The following DAGLB variants were observed in gnomAD, a reference collection of about 807,000 sequenced individuals.
The protein encoded by DAGLB is diacylglycerol lipase beta.
Under a neutral mutation model 72.1 loss-of-function variants are expected in DAGLB, and 66 were observed. That is an observed-to-expected ratio of 0.92 (90% confidence interval 0.75 to 1.12). The LOEUF (loss-of-function observed/expected upper bound fraction) is 1.12, where lower values mean the gene tolerates loss of function less well. DAGLB is among the 50% of genes most tolerant of loss of function. The probability of loss-of-function intolerance (pLI) is 0.00; values close to 1 mark genes in which losing one functional copy is unlikely to be tolerated. For synonymous variants in DAGLB, 414 were observed against 359.5 expected, an observed-to-expected ratio of 1.15 and a Z score of -1.71; for missense variants, 1,065 against 884.9, an observed-to-expected ratio of 1.20 and a Z score of -2.58.
chr7:6,417,127 G>T (rs1283109844), intron 9 of DAGLB: 3 of 586,244 alleles, frequency 5.1e-6, no homozygotes, highest in Non-Finnish European at 9.0e-6. Context: ...CAGGTGTGGT[G>T]GCGCACGCTT....
intron 6 of DAGLB, among the ~76,000 whole-genome samples, chr7:6,426,346 C>T (rs1021650862): frequency 3.3e-5 from 5 of 152,148 alleles, no homozygotes; most frequent in South Asian, 2.1e-4. Flanking sequence ...CTCAGGTCAC[C>T]GCAACCTCCG....
chr7:6,424,346 C>A (rs368772305), intron 8 of DAGLB, among the ~76,000 whole-genome samples: 26 of 152,226 alleles, frequency 1.7e-4, no homozygotes, highest in African/African-American at 6.3e-4. Context: ...GAGCCTCCAG[C>A]GGGGCTGGTG....
chr7:6,438,478 G>A (rs560940251), intron 2 of DAGLB, among the ~76,000 whole-genome samples: 14 of 152,022 alleles, frequency 9.2e-5, no homozygotes, highest in African/African-American at 3.4e-4. Context: ...AGGGGGAAAG[G>A]GTGCAGGTAT....
chr7:6,409,652 T>C lies in DAGLB; in HGVS notation c.*185A>G. ...ACCTGAGCGTGCTCACTACTTCTGCTACCATTATGGCCACAATGACTTCCC... is the reference window on the plus strand; with the variant it reads ...ACCTGAGCGTGCTCACTACTTCTGCCACCATTATGGCCACAATGACTTCCC... On this transcript the variant is annotated 3_prime_UTR_variant, in exon 15 of 15. Coordinates refer to ENST00000297056, the MANE Select transcript of DAGLB (RefSeq NM_139179.4). 1 of 728,776 alleles carries C rather than the reference T, an allele frequency of 1.4e-6. No homozygotes were observed. The highest frequency in any genetic ancestry group is 1.9e-5 in the South Asian group (1 of 53,128). The allele number at this position is 728,776 out of a possible 1,614,324, so 45.1% of individuals were successfully genotyped here. A position where few individuals can be genotyped will look rare whatever the true frequency, so the allele number is the denominator to read the frequency against.
At chr7:6,433,027 C>T in intron 4 of DAGLB, 68 bp from the exon 5 acceptor site, 1 of 1,569,496 alleles carries the variant, frequency 6.4e-7, no homozygotes, top group Admixed American at 1.9e-5. Flanking sequence ...CCCTAAAATC[C>T]AGTCTTCTAT....
At position 6,445,820 on chromosome 7, in the gene DAGLB, G is replaced by C. The variant is rs1583305646; in HGVS notation, c.247+133C>G. 3 of 1,006,126 alleles carry C rather than the reference G, an allele frequency of 3.0e-6. No homozygotes were observed. In the East Asian group the frequency reaches 8.2e-5, roughly 28 times the overall value. 62.3% of individuals were successfully genotyped at this position (1,006,126 alleles called of 1,614,324 possible). On this transcript the variant is annotated intron_variant, in intron 2 of 14. Coordinates refer to ENST00000297056, the MANE Select transcript of DAGLB (RefSeq NM_139179.4). ...TGGTATAAACTTGATGATGGTGATG[G>C]CTGCACAACTCTGTGATTATATTAA... is the stretch of plus-strand genomic sequence containing the variant.
At chr7:6,435,908 G>T (rs927139170) in intron 3 of DAGLB, among the ~76,000 whole-genome samples, 2 of 152,088 alleles carry the variant, frequency 1.3e-5, no homozygotes, top group Non-Finnish European at 2.9e-5. Context: ...TCATCTCTAA[G>T]ATTTTTAGCC....
chr7:6,437,365 C>CA (rs1322920373), intron 2 of DAGLB, among the ~76,000 whole-genome samples: 6 of 152,028 alleles, frequency 3.9e-5, no homozygotes, highest in Non-Finnish European at 2.9e-5. Flanking sequence ...GTAATCCCCA[C>CA]AATGACTGGG....
chr7:6,426,750 C>A (rs1415050238), intron 6 of DAGLB, among the ~76,000 whole-genome samples: 1 of 152,212 alleles, frequency 6.6e-6, no homozygotes, highest in East Asian at 1.9e-4. Flanking sequence ...ACAGCACAGC[C>A]AACTCCGTAG....
intron 2 of DAGLB, among the ~76,000 whole-genome samples, chr7:6,437,773 C>T (rs908794030): frequency 1.3e-5 from 2 of 152,126 alleles, no homozygotes; most frequent in African/African-American, 4.8e-5. Context: ...CTCAGCCTCC[C>T]TAGTAGCTGG....
chr7:6,409,356 CCCAGGAGAAAACCCCA>C lies in DAGLB; in HGVS notation c.*465_*480del. ...GAGCCCAGGGCTGCCCTTGGTGACG[CCCAGGAGAAAACCCCA>C]GCCCGCACCCTCACCACAGTTCCAT... On this transcript the variant is annotated 3_prime_UTR_variant, in exon 15 of 15. Coordinates refer to ENST00000297056, the MANE Select transcript of DAGLB (RefSeq NM_139179.4). 1 of 157,400 alleles carries C rather than the reference CCCAGGAGAAAACCCCA, an allele frequency of 6.4e-6. No individual in the cohort carries two copies. The highest frequency in any genetic ancestry group is 6.2e-5 in the Admixed American group (1 of 16,202). The allele number at this position is 157,400 out of a possible 1,614,324, so 9.8% of individuals were successfully genotyped here. A position where few individuals can be genotyped will look rare whatever the true frequency, so the allele number is the denominator to read the frequency against.
At position 6,421,722 on chromosome 7, in the gene DAGLB, C is replaced by T. The variant is rs764054243; in HGVS notation, c.1218+5G>A. ...CAGGCAAGACACACGAGTCCGCGCT[C>T]ATACCTTGTGTGCCAGGCGGTCCTG... On this transcript the variant is annotated splice_donor_5th_base_variant and intron_variant, in intron 9 of 14. Coordinates refer to ENST00000297056, the MANE Select transcript of DAGLB (RefSeq NM_139179.4). 17 of 1,607,654 alleles carry T rather than the reference C, an allele frequency of 1.1e-5. No homozygotes were observed. The highest frequency in any genetic ancestry group is 1.4e-5 in the Non-Finnish European group (17 of 1,175,762).
Position 6,447,744 on chromosome 7 carries a change from T to C in DAGLB, c.95+4A>G. On this transcript the variant is annotated splice_donor_region_variant and intron_variant, in intron 1 of 14. Transcript: ENST00000297056. Reference sequence around the variant, plus strand: ...TCCACCGCCCCCGTAGCCGCCGTCCTTACCACAGCACTCGCACGACCAGCT... The same window carrying C: ...TCCACCGCCCCCGTAGCCGCCGTCCCTACCACAGCACTCGCACGACCAGCT... The C allele has an allele frequency of 2.5e-6, 4 of 1,612,212 alleles. No homozygotes were observed. Among genetic ancestry groups the C allele is most frequent in the Non-Finnish European group, 3.4e-6 (4 of 1,179,208 alleles).
chr7:6,436,302 G>A, intron 3 of DAGLB, 60 bp downstream of exon 3: 3 of 1,548,662 alleles, frequency 1.9e-6, no homozygotes, highest in East Asian at 2.3e-5. Flanking sequence ...CATGTTAGAA[G>A]GGTTTGTTCA....
intron 6 of DAGLB, among the ~76,000 whole-genome samples, chr7:6,427,145 T>C (rs1444282413): frequency 6.6e-6 from 1 of 152,004 alleles, no homozygotes; most frequent in Non-Finnish European, 1.5e-5. Flanking sequence ...TAAATAAAAA[T>C]AAAAACTAAA....
chr7:6,434,921 C>A lies in DAGLB; in HGVS notation c.519G>T (p.Leu173=). Residue 173 remains leucine (L), a synonymous_variant, in exon 4 of 15, where the codon CTG becomes CTT. Coordinates refer to ENST00000297056, the MANE Select transcript of DAGLB (RefSeq NM_139179.4). ...APYSSAGPSH[L]DSHDSSQLLN... ...GTAACTGGCTTGAATCATGACTATCCAGGTGGCTGGGGCCGGCAGAGGAAT... is the reference window on the plus strand; with the variant it reads ...GTAACTGGCTTGAATCATGACTATCAAGGTGGCTGGGGCCGGCAGAGGAAT... The A allele has an allele frequency of 6.2e-7, 1 of 1,614,172 alleles. No individual in the cohort carries two copies. The highest frequency in any genetic ancestry group is 8.5e-7 in the Non-Finnish European group (1 of 1,180,050).
At chr7:6,440,003 G>C (rs1331411075) in intron 2 of DAGLB, among the ~76,000 whole-genome samples, 1 of 144,648 alleles carries the variant, frequency 6.9e-6, no homozygotes, top group African/African-American at 2.5e-5. Context: ...AGTGAGCTAA[G>C]ATCACGCCAC....
intron 4 of DAGLB, among the ~76,000 whole-genome samples, 155 bp downstream of exon 4, chr7:6,434,607 A>G (rs576831923): frequency 6.6e-6 from 1 of 152,228 alleles, no homozygotes; most frequent in African/African-American, 2.4e-5. Context: ...TGCTCCCTGG[A>G]GGGCTCATCA....
chr7:6,416,880 G>A lies in DAGLB; in HGVS notation c.1260C>T (p.Ile420=), dbSNP rs2115247354. 3 of 1,614,222 alleles carry A rather than the reference G, an allele frequency of 1.9e-6. No individual in the cohort carries two copies. The highest frequency in any genetic ancestry group is 3.3e-5 in the Admixed American group (2 of 60,032). ...AGGCTTGGCTCAAAATCCCGTCGTTGATGAGTCGTTGGTAAACGTATCTGG... is the reference window on the plus strand; with the variant it reads ...AGGCTTGGCTCAAAATCCCGTCGTTAATGAGTCGTTGGTAAACGTATCTGG... ...QAARYVYQRL[I]NDGILSQAFS... The change falls in exon 10 of 15, where the codon ATC becomes ATT. Residue 420 remains isoleucine, a synonymous_variant. Transcript: ENST00000297056.
Sources: gnomAD v4.1 joint callset for allele counts (sites outside exome capture counted in the v4.1 genomes callset) on GRCh38, gnomAD v4.1.1 for gene constraint, MANE v1.5 for transcripts, NCBI Gene and HGNC (gene_info 2026-07-23, HGNC 2026-07-21) for gene names.